The following IPCEF1 variants were observed in gnomAD, a reference collection of about 807,000 sequenced individuals.
The protein encoded by IPCEF1 is interactor protein for cytohesin exchange factors 1.
Under a neutral mutation model 50.9 loss-of-function variants are expected in IPCEF1, and 31 were observed. The observed-to-expected ratio is 0.61, with a 90% CI of 0.46 to 0.82. The LOEUF (loss-of-function observed/expected upper bound fraction) is 0.82, where lower values mean the gene tolerates loss of function less well. Ranked by LOEUF, IPCEF1 falls within the 40% of genes least tolerant of loss-of-function variation. The probability of loss-of-function intolerance (pLI) is 0.00; values close to 1 mark genes in which losing one functional copy is unlikely to be tolerated. For synonymous variants in IPCEF1, 181 were observed against 192.0 expected, an observed-to-expected ratio of 0.94 and a Z score of 0.47; for missense variants, 458 against 514.0, an observed-to-expected ratio of 0.89 and a Z score of 1.05.
chr6:154,309,724 T>A (rs2128679825), intron 1 of IPCEF1, among the ~76,000 whole-genome samples: 1 of 152,166 alleles, frequency 6.6e-6, no homozygotes, highest in East Asian at 1.9e-4. Flanking sequence ...TAAAATAAAA[T>A]TCTTTCCGCT....
intron 1 of IPCEF1, among the ~76,000 whole-genome samples, chr6:154,294,226 C>T (rs1406534794): frequency 2.6e-5 from 4 of 152,236 alleles, no homozygotes; most frequent in Non-Finnish European, 5.9e-5. Flanking sequence ...GTTCAACCCA[C>T]TTCAGGTGTA....
chr6:154,342,179 A>G (rs971076287), intron 1 of IPCEF1, among the ~76,000 whole-genome samples: 2 of 152,272 alleles, frequency 1.3e-5, no homozygotes, highest in East Asian at 1.9e-4. Context: ...TTAGGTCTGC[A>G]GTCTAAGTCT....
chr6:154,180,411 TATA>T (rs1345421949), intron 10 of IPCEF1, among the ~76,000 whole-genome samples: 3,994 of 38,394 alleles, frequency 0.1, 184 homozygotes, highest in African/African-American at 0.26. Context: ...TATATATATA[TATA>T]TTTTTTTTTT....
chr6:154,337,886 C>A (rs1322976756), intron 1 of IPCEF1, among the ~76,000 whole-genome samples: 3 of 152,280 alleles, frequency 2.0e-5, no homozygotes, highest in South Asian at 2.1e-4. Flanking sequence ...TACCCTGGGG[C>A]ACTTGTTTAA....
At chr6:154,166,348 G>A (rs1422926594) in intron 11 of IPCEF1, among the ~76,000 whole-genome samples, 1 of 152,204 alleles carries the variant, frequency 6.6e-6, no homozygotes, top group Non-Finnish European at 1.5e-5. Context: ...GCTGCTCTGT[G>A]GAAGGCCTGA....
chr6:154,246,568 TAGG>T lies in IPCEF1; in HGVS notation c.246+20_246+22del. 1 of 1,596,828 alleles carries T rather than the reference TAGG, an allele frequency of 6.3e-7. No individual in the cohort carries two copies. Among genetic ancestry groups the T allele is most frequent in the South Asian group, 1.1e-5 (1 of 88,922 alleles). ...TATCCCTCATTAAAACGGCTGGGAA[TAGG>T]AGGAAGAAAGCAGACTCACCATTTG... On this transcript the variant is annotated intron_variant, in intron 5 of 11. Transcript: ENST00000367220.
intron 1 of IPCEF1, among the ~76,000 whole-genome samples, chr6:154,315,466 T>C (rs1404021474): frequency 3.9e-5 from 6 of 152,110 alleles, no homozygotes; most frequent in Non-Finnish European, 5.9e-5. Context: ...GTAGCCCAGA[T>C]CCCCAGTATG....
intron 2 of IPCEF1, among the ~76,000 whole-genome samples, chr6:154,285,216 G>A (rs1465143388): frequency 2.6e-5 from 4 of 152,098 alleles, no homozygotes; most frequent in Non-Finnish European, 4.4e-5. Context: ...ATTTTATTAG[G>A]AAAGACATTG....
intron 8 of IPCEF1, 43 bp from the exon 9 acceptor site, chr6:154,212,898 C>T (rs752104398): frequency 3.8e-6 from 5 of 1,321,104 alleles, no homozygotes; most frequent in Non-Finnish European, 5.5e-6. Context: ...ACGCTGTCAT[C>T]GCTTATTCCA....
intron 4 of IPCEF1, 37 bp from the exon 5 acceptor site, chr6:154,246,797 C>G: frequency 6.2e-7 from 1 of 1,600,404 alleles, no homozygotes; most frequent in African/African-American, 1.3e-5. Context: ...TAATGTATTA[C>G]CCTGATTTGG....
At chr6:154,214,362 G>A in intron 7 of IPCEF1, 86 bp from the exon 8 acceptor site, 1 of 927,256 alleles carries the variant, frequency 1.1e-6, no homozygotes, top group East Asian at 2.4e-5. Flanking sequence ...TATGAAATTA[G>A]GTCATGATTC....
intron 11 of IPCEF1, among the ~76,000 whole-genome samples, chr6:154,161,594 A>C (rs1799022925): frequency 6.6e-6 from 1 of 152,146 alleles, no homozygotes; most frequent in African/African-American, 2.4e-5. Flanking sequence ...CCAAAATTGG[A>C]CTGATAAGCT....
chr6:154,232,115 A>G (rs1024217996), intron 5 of IPCEF1, among the ~76,000 whole-genome samples: 1 of 152,126 alleles, frequency 6.6e-6, no homozygotes, highest in African/African-American at 2.4e-5. Context: ...TCTCCATACA[A>G]TAGCGTCCAT....
At chr6:154,291,015 T>C (rs1339324841) in intron 1 of IPCEF1, among the ~76,000 whole-genome samples, 5 of 150,358 alleles carry the variant, frequency 3.3e-5, no homozygotes, top group Admixed American at 1.3e-4. Context: ...TGCCCCAGCC[T>C]CCTGAGTAGC....
chr6:154,189,105 T>A (rs1411573720), intron 10 of IPCEF1, among the ~76,000 whole-genome samples: 1 of 152,152 alleles, frequency 6.6e-6, no homozygotes, highest in Non-Finnish European at 1.5e-5. Context: ...ATGTATACAT[T>A]CCTACAAATC....
At chr6:154,290,957 A>C (rs1159070927) in intron 1 of IPCEF1, among the ~76,000 whole-genome samples, 1 of 146,114 alleles carries the variant, frequency 6.8e-6, no homozygotes, top group Non-Finnish European at 1.5e-5. Context: ...TGGCACACAC[A>C]ATCTCAGCTC....
intron 10 of IPCEF1, among the ~76,000 whole-genome samples, chr6:154,192,678 C>A (rs1233582125): frequency 1.4e-4 from 21 of 151,776 alleles, no homozygotes; most frequent in Non-Finnish European, 2.9e-4. Flanking sequence ...AAAAAAATGA[C>A]TTAATCCTAT....
intron 9 of IPCEF1, among the ~76,000 whole-genome samples, chr6:154,206,127 C>G (rs1777474871): frequency 6.6e-6 from 1 of 152,094 alleles, no homozygotes; most frequent in Non-Finnish European, 1.5e-5. Context: ...TTATCAGCTG[C>G]CTGACTAACT....
intron 1 of IPCEF1, among the ~76,000 whole-genome samples, chr6:154,334,122 T>C (rs1348949140): frequency 1.3e-5 from 2 of 152,290 alleles, no homozygotes; most frequent in East Asian, 1.9e-4. Context: ...GGTAGATGGG[T>C]CAGATAGTTT....
Sources: gnomAD v4.1 joint callset for allele counts (sites outside exome capture counted in the v4.1 genomes callset) on GRCh38, gnomAD v4.1.1 for gene constraint, MANE v1.5 for transcripts, NCBI Gene and HGNC (gene_info 2026-07-23, HGNC 2026-07-21) for gene names.